Variants in ARL15 observed in about 807,000 individuals in gnomAD.
ARL15 encodes ADP-ribosylation factor-like protein 15.
A neutral mutation model predicts 25.2 loss-of-function variants in ARL15; 19 were observed. The ratio of observed to expected loss-of-function variants is 0.75; its 90% CI spans 0.53 to 1.10. The LOEUF is 1.10. Ranked by LOEUF, ARL15 falls within the 50% of genes least tolerant of loss-of-function variation. The pLI, the probability that ARL15 is intolerant of heterozygous loss-of-function variation, is 0.00. For missense variants in ARL15, 220 were observed against 246.0 expected, an observed-to-expected ratio of 0.89 and a Z score of 0.71; for synonymous variants, 94 against 86.8, an observed-to-expected ratio of 1.08 and a Z score of -0.46.
intron 4 of ARL15, among the ~76,000 whole-genome samples, chr5:53,994,095 A>C (rs1298724414): frequency 6.6e-6 from 1 of 152,200 alleles, no homozygotes; most frequent in Non-Finnish European, 1.5e-5. Flanking sequence ...TAATTACTGA[A>C]AAGATGCCAC....
At chr5:54,179,626 A>G (rs562974661) in intron 1 of ARL15, among the ~76,000 whole-genome samples, 1 of 152,198 alleles carries the variant, frequency 6.6e-6, no homozygotes, top group Non-Finnish European at 1.5e-5. Flanking sequence ...GGATGGAAGA[A>G]AAGGGGATAC....
At chr5:54,113,446 A>T in intron 3 of ARL15, 36 bp from the exon 4 acceptor site, 1 of 1,590,704 alleles carries the variant, frequency 6.3e-7, no homozygotes, top group Non-Finnish European at 8.6e-7. Flanking sequence ...TTTTAAAAAG[A>T]GCTTTCAGCA....
At chr5:54,104,366 G>A (rs532659568) in intron 4 of ARL15, among the ~76,000 whole-genome samples, 2 of 152,160 alleles carry the variant, frequency 1.3e-5, no homozygotes, top group South Asian at 4.1e-4. Context: ...ATGAGGCTGG[G>A]GGTACATTTG....
intron 1 of ARL15, chr5:54,310,184 C>G (rs1580000718): frequency 2.2e-6 from 1 of 455,812 alleles, no homozygotes. Flanking sequence ...CAAGCAGCCC[C>G]AGCGCGACCC....
intron 4 of ARL15, among the ~76,000 whole-genome samples, chr5:54,023,174 T>A (rs1045344840): frequency 1.3e-5 from 2 of 151,940 alleles, no homozygotes; most frequent in Non-Finnish European, 2.9e-5. Flanking sequence ...GGTAAAGGGA[T>A]GTAGAGAGAG....
chr5:54,142,355 T>C (rs1290393259), intron 3 of ARL15, among the ~76,000 whole-genome samples: 2 of 152,038 alleles, frequency 1.3e-5, no homozygotes, highest in African/African-American at 2.4e-5. Context: ...GGGAGCAACA[T>C]GGGGGAGTTT....
At chr5:54,255,393 C>A (rs943066199) in intron 1 of ARL15, among the ~76,000 whole-genome samples, 2 of 152,140 alleles carry the variant, frequency 1.3e-5, no homozygotes, top group Non-Finnish European at 2.9e-5. Context: ...AATTTTAATT[C>A]ACTGGTAGTA....
chr5:53,933,285 G>A (rs1746251078), intron 4 of ARL15, among the ~76,000 whole-genome samples: 1 of 152,130 alleles, frequency 6.6e-6, no homozygotes. Context: ...TATAGGGAGG[G>A]TGTAGTTTGA....
At chr5:54,019,419 G>A (rs987361616) in intron 4 of ARL15, among the ~76,000 whole-genome samples, 1 of 152,088 alleles carries the variant, frequency 6.6e-6, no homozygotes, top group Non-Finnish European at 1.5e-5. Context: ...AATGATCTGA[G>A]AATCTTCATA....
chr5:54,035,301 T>C (rs755831881), intron 4 of ARL15, among the ~76,000 whole-genome samples: 39 of 152,216 alleles, frequency 2.6e-4, no homozygotes, highest in Non-Finnish European at 5.4e-4. Context: ...GAGGAAGAAA[T>C]GTACAGACAT....
At chr5:54,287,076 C>T (rs1758199811) in intron 1 of ARL15, among the ~76,000 whole-genome samples, 1 of 152,082 alleles carries the variant, frequency 6.6e-6, no homozygotes, top group African/African-American at 2.4e-5. Context: ...GATGAGTTCT[C>T]ACTATGTTGG....
chr5:53,942,523 G>A (rs2112089311), intron 4 of ARL15, among the ~76,000 whole-genome samples: 1 of 150,636 alleles, frequency 6.6e-6, no homozygotes, highest in East Asian at 1.9e-4. Context: ...CGAGGCAGGT[G>A]GATCATGAGG....
At chr5:54,128,193 T>C (rs372617469) in intron 3 of ARL15, among the ~76,000 whole-genome samples, 1 of 152,218 alleles carries the variant, frequency 6.6e-6, no homozygotes, top group Non-Finnish European at 1.5e-5. Flanking sequence ...ATTATGACCT[T>C]GTGAAGCCTT....
intron 1 of ARL15, among the ~76,000 whole-genome samples, chr5:54,211,313 T>A (rs968852419): frequency 1.3e-5 from 2 of 152,090 alleles, no homozygotes; most frequent in Non-Finnish European, 2.9e-5. Flanking sequence ...AGCTGTTCTA[T>A]CGGTTCAGGT....
At chr5:54,215,800 G>A (rs1756188598) in intron 1 of ARL15, among the ~76,000 whole-genome samples, 1 of 150,210 alleles carries the variant, frequency 6.7e-6, no homozygotes, top group South Asian at 2.1e-4. Flanking sequence ...TCAGGGGTGG[G>A]GGGCTGGGGG....
At chr5:54,186,883 T>C (rs955373464) in intron 1 of ARL15, among the ~76,000 whole-genome samples, 4 of 151,794 alleles carry the variant, frequency 2.6e-5, no homozygotes, top group African/African-American at 4.8e-5. Context: ...TTTTTTTTTT[T>C]TTTTTGTCAA....
At position 54,065,217 on chromosome 5, in the gene ARL15, A is replaced by G. The variant is rs114069702; in HGVS notation, c.462+47985T>C. Among the ~76,000 whole-genome samples the G allele has an allele frequency of 3.3e-3, 498 of 152,344 alleles. 2 individuals are homozygous for G. Among genetic ancestry groups the G allele is most frequent in the African/African-American group, 0.012 (479 of 41,572 alleles). On this transcript the variant is annotated intron_variant, in intron 4 of 4. Coordinates refer to ENST00000504924, the MANE Select transcript of ARL15 (RefSeq NM_019087.3). ...TTAAGATTAATTAAAACTAATCTTT[A>G]AAGTAGGTATTCCCACCATGTTTAG...
At chr5:54,075,751 T>G (rs79829196) in intron 4 of ARL15, among the ~76,000 whole-genome samples, 2,097 of 152,288 alleles carry the variant, frequency 0.014, 16 homozygotes, top group Admixed American at 0.02. Context: ...CTTCCCAAAG[T>G]GCTGGGATTA....
intron 4 of ARL15, among the ~76,000 whole-genome samples, chr5:54,111,337 C>T (rs1240842004): frequency 2.0e-5 from 3 of 151,992 alleles, no homozygotes; most frequent in African/African-American, 4.8e-5. Flanking sequence ...AACTATCAGT[C>T]TTACTGAAAG....
Sources: gnomAD v4.1 joint callset for allele counts (sites outside exome capture counted in the v4.1 genomes callset) on GRCh38, gnomAD v4.1.1 for gene constraint, MANE v1.5 for transcripts, NCBI Gene and HGNC (gene_info 2026-07-23, HGNC 2026-07-21) for gene names.